Variants in ARFGEF2 observed in about 807,000 individuals in gnomAD.
ARFGEF2 encodes the protein brefeldin A-inhibited guanine nucleotide-exchange protein 2.
Under a neutral mutation model 219.9 loss-of-function variants are expected in ARFGEF2, and 74 were observed. The ratio of observed to expected loss-of-function variants is 0.34; its 90% CI spans 0.28 to 0.41. The LOEUF (loss-of-function observed/expected upper bound fraction) is 0.41. ARFGEF2 is among the 10% of genes least tolerant of loss of function. The pLI, the probability that ARFGEF2 is intolerant of heterozygous loss-of-function variation, is 1.00. For synonymous variants in ARFGEF2, 733 were observed against 799.2 expected (o/e 0.92, Z 1.40); for missense variants, 1,743 against 2,218.3 (o/e 0.79, Z 4.30).
At chr20:49,010,017 G>C (rs536656746) in intron 26 of ARFGEF2, among the ~76,000 whole-genome samples, 116 of 152,280 alleles carry the variant, frequency 7.6e-4, no homozygotes, top group African/African-American at 2.6e-3. Context: ...TCTCAACCTT[G>C]AGTTTATTGT....
rs1027991039 is a variant in ARFGEF2 at position 48,964,462 on chromosome 20, A to G, written c.907+564A>G. On this transcript the variant is annotated intron_variant, in intron 7 of 38. Transcript: ENST00000371917. ...CTTAGATGCTCCACATAGAGATGCCAAGGGCCATTCCATATGCCTTGTAGA... is the reference window on the plus strand; with the variant it reads ...CTTAGATGCTCCACATAGAGATGCCGAGGGCCATTCCATATGCCTTGTAGA... Among the ~76,000 whole-genome samples, 3 of 152,212 alleles carry G rather than the reference A, an allele frequency of 2.0e-5. No individual in the cohort carries two copies. In the East Asian group the frequency reaches 5.8e-4, roughly 29 times the overall value.
intron 14 of ARFGEF2, among the ~76,000 whole-genome samples, chr20:48,980,675 G>T (rs2091289817): frequency 6.6e-6 from 1 of 152,130 alleles, no homozygotes; most frequent in Admixed American, 6.5e-5. Context: ...CCCGTATTGG[G>T]TGCATATATA....
intron 25 of ARFGEF2, among the ~76,000 whole-genome samples, chr20:49,002,404 C>T (rs942315208): frequency 3.3e-5 from 5 of 152,286 alleles, no homozygotes; most frequent in Non-Finnish European, 5.9e-5. Flanking sequence ...CAGTAACTCC[C>T]ACTTTCACCC....
chr20:48,989,784 CT>C, intron 20 of ARFGEF2, 100 bp downstream of exon 20: 1 of 1,555,672 alleles, frequency 6.4e-7, no homozygotes, highest in Non-Finnish European at 8.8e-7. Flanking sequence ...TTAATCAAGA[CT>C]CTTAGCAAGC....
chr20:49,007,165 A>G (rs145387385), intron 26 of ARFGEF2, among the ~76,000 whole-genome samples: 1 of 152,226 alleles, frequency 6.6e-6, no homozygotes, highest in African/African-American at 2.4e-5. Context: ...TGGAAAGGGA[A>G]TCTTACACCA....
rs1223473861 is a variant in ARFGEF2 at position 48,971,366 on chromosome 20, A to G, written c.1425+12A>G. ...AAATGCAGATAGAGGTACGGATTCC[A>G]AAGTTTTTTCATTTCATTATTTACT... On this transcript the variant is annotated intron_variant, in intron 10 of 38. Coordinates refer to ENST00000371917, the MANE Select transcript of ARFGEF2 (RefSeq NM_006420.3). The G allele has an allele frequency of 5.6e-6, 9 of 1,596,922 alleles. No individual in the cohort carries two copies. The highest frequency in any genetic ancestry group is 2.2e-5 in the East Asian group (1 of 44,806).
chr20:48,986,889 G>A (rs2091329697), intron 16 of ARFGEF2, among the ~76,000 whole-genome samples: 1 of 152,114 alleles, frequency 6.6e-6, no homozygotes, highest in Non-Finnish European at 1.5e-5. Flanking sequence ...TATTTCTGCA[G>A]AGATAGAGTT....
chr20:49,016,905 T>G (rs1354188236), intron 31 of ARFGEF2, among the ~76,000 whole-genome samples: 5 of 152,208 alleles, frequency 3.3e-5, no homozygotes, highest in Admixed American at 6.5e-5. Context: ...TTGATATTGT[T>G]CAGGTGGCAA....
At chr20:48,923,211 A>G (rs2090854454) in intron 1 of ARFGEF2, among the ~76,000 whole-genome samples, 1 of 152,190 alleles carries the variant, frequency 6.6e-6, no homozygotes, top group Non-Finnish European at 1.5e-5. Flanking sequence ...TCACTGCCCC[A>G]ACGTCTTTGG....
intron 36 of ARFGEF2, among the ~76,000 whole-genome samples, chr20:49,026,832 C>T (rs1026180496): frequency 6.6e-6 from 1 of 152,078 alleles, no homozygotes; most frequent in Non-Finnish European, 1.5e-5. Flanking sequence ...GTAATCCACT[C>T]ATCTTAGCCT....
chr20:48,991,673 C>T (rs985696371), intron 21 of ARFGEF2, among the ~76,000 whole-genome samples: 2 of 152,068 alleles, frequency 1.3e-5, no homozygotes, highest in Non-Finnish European at 2.9e-5. Flanking sequence ...ATGTGTACAA[C>T]AATGTATTTA....
intron 6 of ARFGEF2, among the ~76,000 whole-genome samples, chr20:48,956,507 TG>T (rs2091106466): frequency 6.6e-6 from 1 of 152,226 alleles, no homozygotes; most frequent in Admixed American, 6.5e-5. Flanking sequence ...CAGACATCAG[TG>T]TGTGTACATT....
Position 48,974,821 on chromosome 20 carries a change from T to C in ARFGEF2, c.1721T>C (p.Met574Thr). ...TGCCTCGTGTCCATTCTCAAGTGCA[T>C]GGTGGAGTGGAGCAAAGACCTGTAT... ...LECLVSILKC[M>T]VEWSKDLYVN... The change falls in exon 13 of 39, where the codon ATG (methionine) becomes ACG (threonine). Residue 574 changes from methionine (M) to threonine (T), a missense_variant. Physicochemically the swap from Met to Thr is moderately conservative, Grantham distance 81. Around this residue, in one of 5 missense-constraint regions of ARFGEF2, gnomAD observed 666 missense variants for 955.4 expected, o/e 0.70. Coordinates refer to ENST00000371917, the MANE Select transcript of ARFGEF2 (RefSeq NM_006420.3). 6.2e-7 allele frequency: 1 copy of C among 1,614,030 alleles called. No individual in the cohort carries two copies. The highest frequency in any genetic ancestry group is 1.1e-5 in the South Asian group (1 of 91,036).
intron 14 of ARFGEF2, among the ~76,000 whole-genome samples, chr20:48,984,396 A>C (rs1022095522): frequency 5.9e-5 from 9 of 152,210 alleles, no homozygotes; most frequent in African/African-American, 2.2e-4. Flanking sequence ...ACTGGCTAGA[A>C]GTTTATCACA....
intron 38 of ARFGEF2, 35 bp downstream of exon 38, chr20:49,032,201 G>A: frequency 6.7e-7 from 1 of 1,500,832 alleles, no homozygotes; most frequent in Non-Finnish European, 9.3e-7. Flanking sequence ...ATTTTCACTA[G>A]GACATAAAGT....
intron 14 of ARFGEF2, 128 bp from the exon 15 acceptor site, chr20:48,984,601 A>C (rs530027026): frequency 5.7e-6 from 7 of 1,220,804 alleles, no homozygotes; most frequent in Admixed American, 3.4e-5. Flanking sequence ...CAGGACAGAC[A>C]TGACCTTGCT....
In ARFGEF2 at chr20:48,995,797, G is replaced by A. The variant is rs1157243819; in HGVS notation, c.3136G>A (p.Gly1046Ser). 6.2e-7 allele frequency: 1 copy of A among 1,614,114 alleles called. No individual in the cohort carries two copies. Among genetic ancestry groups the A allele is most frequent in the Non-Finnish European group, 8.5e-7 (1 of 1,179,994 alleles). ...MGLGLGNLVS[G>S]GVDKRQMASF... ...TTGTGTTTCAGGTAATTTGGTGAGTGGCGGAGTGGATAAAAGACAGATGGC... is the reference window on the plus strand; with the variant it reads ...TTGTGTTTCAGGTAATTTGGTGAGTAGCGGAGTGGATAAAAGACAGATGGC... Residue 1046 changes from glycine (G) to serine (S), a missense_variant, in exon 23 of 39, where the codon GGC becomes AGC. This residue lies in a region of ARFGEF2 where 666 missense variants were observed against 955.4 expected (regional missense o/e 0.70). Coordinates refer to ENST00000371917, the MANE Select transcript of ARFGEF2 (RefSeq NM_006420.3).
At chr20:49,024,476 C>T (rs984830804) in intron 35 of ARFGEF2, among the ~76,000 whole-genome samples, 4 of 152,138 alleles carry the variant, frequency 2.6e-5, no homozygotes, top group South Asian at 4.1e-4. Context: ...CTTTAGCGCC[C>T]GATTACCATC....
chr20:49,033,839 T>A lies in ARFGEF2; in HGVS notation c.*640T>A, dbSNP rs1406171766. 1 of 152,652 alleles carries A rather than the reference T, an allele frequency of 6.6e-6. No homozygotes were observed. Among genetic ancestry groups the A allele is most frequent in the Admixed American group, 6.5e-5 (1 of 15,272 alleles). 9.5% of individuals were successfully genotyped at this position (152,652 alleles called of 1,614,324 possible). A position where few individuals can be genotyped will look rare whatever the true frequency, so the allele number is the denominator to read the frequency against. ...TGAAGGCAGAGTTTAGTAATTAAGT[T>A]AGAATTAAGAGTTTTGCGAGGTTAA... is the stretch of plus-strand genomic sequence containing the variant. On this transcript the variant is annotated 3_prime_UTR_variant, in exon 39 of 39. Transcript: ENST00000371917.
Sources: allele counts gnomAD v4.1 joint callset (sites outside exome capture counted in the v4.1 genomes callset), GRCh38; gene constraint gnomAD v4.1.1; regional missense constraint gnomAD v4.1.1; transcripts MANE v1.5; gene names NCBI Gene and HGNC (gene_info 2026-07-23, HGNC 2026-07-21).